The following GPR107 variants were observed in gnomAD, a reference collection of about 807,000 sequenced individuals.
GPR107 encodes protein GPR107.
GPR107 carries 31 observed loss-of-function variants against 75.5 expected under a neutral mutation model. The observed-to-expected ratio is 0.41, with a 90% CI of 0.31 to 0.55. The LOEUF (loss-of-function observed/expected upper bound fraction) is 0.55. Among genes scored for constraint, GPR107 ranks in the 20% least tolerant of loss-of-function variants. The probability of loss-of-function intolerance (pLI) is 0.26; values close to 1 mark genes in which losing one functional copy is unlikely to be tolerated. For synonymous variants in GPR107, 267 were observed against 251.3 expected (o/e 1.06, Z -0.59); for missense variants, 572 against 665.7 (o/e 0.86, Z 1.55).
rs895368150 is a variant in GPR107, at chr9:130,069,256, G to A, written c.142-6380G>A. Among the ~76,000 whole-genome samples, 11 of 152,310 alleles carry A rather than the reference G, an allele frequency of 7.2e-5. No individual in the cohort carries two copies. In the East Asian group the frequency reaches 2.1e-3, roughly 29 times the overall value. Reference sequence around the variant, plus strand: ...GTAAGAACTTGAGGTGATGTATGAAGCTCTTAGTGTAGTACTGGAGACAAG... The same window carrying A: ...GTAAGAACTTGAGGTGATGTATGAAACTCTTAGTGTAGTACTGGAGACAAG... On this transcript the variant is annotated intron_variant, in intron 1 of 17. Transcript: ENST00000347136.
intron 17 of GPR107, among the ~76,000 whole-genome samples, chr9:130,131,033 T>G (rs1349117659): frequency 6.6e-6 from 1 of 152,166 alleles, no homozygotes; most frequent in Admixed American, 6.5e-5. Flanking sequence ...GGTTACTGTT[T>G]AGATGTCAAG....
chr9:130,098,420 C>T (rs1359764273), intron 9 of GPR107, among the ~76,000 whole-genome samples: 2 of 152,142 alleles, frequency 1.3e-5, no homozygotes, highest in African/African-American at 4.8e-5. Context: ...CTCCCAGTCC[C>T]CCTACTCTGG....
chr9:130,110,007 G>A (rs144338334), intron 14 of GPR107, among the ~76,000 whole-genome samples: 30 of 152,248 alleles, frequency 2.0e-4, no homozygotes, highest in East Asian at 1.3e-3. Flanking sequence ...TTTTGTTGGC[G>A]AGGCTTACCT....
chr9:130,068,687 A>G (rs1203799140), intron 1 of GPR107, among the ~76,000 whole-genome samples: 1 of 152,164 alleles, frequency 6.6e-6, no homozygotes, highest in Non-Finnish European at 1.5e-5. Flanking sequence ...GTCAGTATAA[A>G]ACAACCGTTT....
intron 4 of GPR107, among the ~76,000 whole-genome samples, chr9:130,079,068 C>T (rs148415398): frequency 0.018 from 2,683 of 152,308 alleles, 34 homozygotes; most frequent in Non-Finnish European, 0.026. Flanking sequence ...AAGCGATTCT[C>T]CTGCCTTAGC....
chr9:130,076,513 A>G (rs1227359101), intron 3 of GPR107, 51 bp downstream of exon 3: 2 of 1,106,852 alleles, frequency 1.8e-6, no homozygotes, highest in African/African-American at 1.5e-5. Flanking sequence ...AGCCCAGGCC[A>G]TTGAACGGGA....
chr9:130,056,924 C>CAAAAAAAAAAAAAAAAAAAAAAAA (rs11442007), intron 1 of GPR107, among the ~76,000 whole-genome samples: 1 of 42,896 alleles, frequency 2.3e-5, no homozygotes, highest in African/African-American at 1.2e-4. Context: ...GACTCCTTCT[C>CAAAAAAAAAAAAAAAAAAAAAAAA]AAAAAAAAAA....
chr9:130,128,762 G>T lies in GPR107; in HGVS notation c.1562+1G>T. ...AAGAAGACTTGGAAATGGAGTCCGT[G>T]TAAGAAATCTTTCTTCCCTCTTCCT... On this transcript the variant is annotated splice_donor_variant, in intron 17 of 17. Transcript: ENST00000347136. LOFTEE classifies it high-confidence loss of function. 2 of 1,613,728 alleles carry T rather than the reference G, an allele frequency of 1.2e-6. No homozygotes were observed. Among genetic ancestry groups the T allele is most frequent in the Non-Finnish European group, 1.7e-6 (2 of 1,179,612 alleles).
At chr9:130,125,360 C>T (rs1342401662) in intron 15 of GPR107, among the ~76,000 whole-genome samples, 3 of 149,272 alleles carry the variant, frequency 2.0e-5, no homozygotes, top group Admixed American at 6.7e-5. Flanking sequence ...GGGATTACAG[C>T]GTGAGTCACT....
intron 14 of GPR107, among the ~76,000 whole-genome samples, chr9:130,119,775 G>A (rs1177491578): frequency 9.9e-5 from 15 of 152,174 alleles, no homozygotes; most frequent in Non-Finnish European, 1.5e-4. Flanking sequence ...ATGCGTGACT[G>A]GAAATGATGG....
At chr9:130,134,719 G>GCT (rs1292176153) in intron 17 of GPR107, among the ~76,000 whole-genome samples, 1 of 152,242 alleles carries the variant, frequency 6.6e-6, no homozygotes, top group African/African-American at 2.4e-5. Flanking sequence ...AATTCCGCAA[G>GCT]CTGTGACAAA....
At chr9:130,092,170 A>G in intron 8 of GPR107, 78 bp from the exon 9 acceptor site, 1 of 1,286,108 alleles carries the variant, frequency 7.8e-7, no homozygotes, top group Non-Finnish European at 1.1e-6. Context: ...GCTTAAGTGA[A>G]ACAACTGAGA....
rs572691519 is a variant in GPR107 at position 130,113,492 on chromosome 9, A to G, written c.1306+5953A>G. On this transcript the variant is annotated intron_variant, in intron 14 of 17. Coordinates refer to ENST00000347136, the MANE Select transcript of GPR107 (RefSeq NM_020960.5). The stretch of plus-strand genomic sequence containing the variant: ...GTGATCCACCCACCTCGGCCTCCCA[A>G]AGTGCTGGGATTATAGGTGTGAGCC... 2.5e-3 allele frequency among the ~76,000 whole-genome samples: 373 copies of G among 152,202 alleles called. 1 individual carries two copies. The highest frequency in any genetic ancestry group is 3.6e-3 in the Non-Finnish European group (243 of 68,002).
intron 1 of GPR107, among the ~76,000 whole-genome samples, chr9:130,060,616 T>C (rs1390210015): frequency 6.6e-6 from 1 of 152,040 alleles, no homozygotes; most frequent in Non-Finnish European, 1.5e-5. Flanking sequence ...ATTGTCTAAA[T>C]ATGATTTTTA....
intron 1 of GPR107, among the ~76,000 whole-genome samples, chr9:130,061,563 C>T (rs1008854601): frequency 6.6e-6 from 1 of 152,042 alleles, no homozygotes; most frequent in Non-Finnish European, 1.5e-5. Context: ...TTTTATTCTG[C>T]GTGATGAGGA....
intron 1 of GPR107, among the ~76,000 whole-genome samples, chr9:130,067,451 C>A (rs1212723941): frequency 6.6e-6 from 1 of 152,140 alleles, no homozygotes; most frequent in East Asian, 1.9e-4. Flanking sequence ...AGAGTTTGAA[C>A]CCAGGTTAGC....
At chr9:130,128,833 G>A in intron 17 of GPR107, 72 bp downstream of exon 17, 6 of 1,459,246 alleles carry the variant, frequency 4.1e-6, no homozygotes, top group Admixed American at 3.7e-5. Flanking sequence ...AGTGTGAATC[G>A]GGTCGGCTGC....
chr9:130,136,963 G>T lies in GPR107; in HGVS notation c.*1842G>T, dbSNP rs1410746739. 1 of 152,260 alleles carries T rather than the reference G, an allele frequency of 6.6e-6. No homozygotes were observed. Among genetic ancestry groups the T allele is most frequent in the African/African-American group, 2.4e-5 (1 of 41,470 alleles). 9.4% of individuals were successfully genotyped at this position (152,260 alleles called of 1,614,324 possible). A position where few individuals can be genotyped will look rare whatever the true frequency, so the allele number is the denominator to read the frequency against. On this transcript the variant is annotated 3_prime_UTR_variant, in exon 18 of 18. Transcript: ENST00000347136. ...CAAGTTCACTTGGGACTGTGTGACA[G>T]AAGGGAGTTGGAGGGAGGATGGGAA...
In GPR107 at chr9:130,087,805, C is replaced by CAAAAAAAAAA. The variant is rs35984705; in HGVS notation, c.621+1340_621+1349dup. On this transcript the variant is annotated intron_variant, in intron 7 of 17. Transcript: ENST00000347136. ...TGGGTGACAGAGTGAGACCCTGTCT[C>CAAAAAAAAAA]AAAAAAAAAAAAAAAAAAAAGCCTA... is the stretch of plus-strand genomic sequence containing the variant. Among the ~76,000 whole-genome samples the CAAAAAAAAAA allele has an allele frequency of 6.0e-3, 529 of 87,596 alleles. 9 individuals are homozygous for CAAAAAAAAAA. The highest frequency in any genetic ancestry group is 0.023 in the African/African-American group (510 of 22,246). 57.5% of individuals were successfully genotyped at this position (87,596 alleles called of 152,430 possible).
Sources: allele counts gnomAD v4.1 joint callset (sites outside exome capture counted in the v4.1 genomes callset), GRCh38; gene constraint gnomAD v4.1.1; transcripts MANE v1.5; gene names NCBI Gene and HGNC (gene_info 2026-07-23, HGNC 2026-07-21).